JAM3: variants seen among roughly 807,000 people sequenced by gnomAD.
JAM3 encodes the protein junctional adhesion molecule 3.
Under a neutral mutation model 39.4 loss-of-function variants are expected in JAM3, and 31 were observed. The ratio of observed to expected loss-of-function variants is 0.79; its 90% CI spans 0.59 to 1.06. The LOEUF is 1.06. Among genes scored for constraint, JAM3 ranks in the 50% least tolerant of loss-of-function variants. The pLI, the probability that JAM3 is intolerant of heterozygous loss-of-function variation, is 0.00. For synonymous variants in JAM3, 182 were observed against 148.7 expected (o/e 1.22, Z -1.63); for missense variants, 455 against 391.4 (o/e 1.16, Z -1.37).
chr11:134,143,120 A>G (rs1943005405), intron 3 of JAM3, among the ~76,000 whole-genome samples: 1 of 152,170 alleles, frequency 6.6e-6, no homozygotes, highest in Non-Finnish European at 1.5e-5. Context: ...CCAAGAGTAC[A>G]ACTGCTGAGT....
chr11:134,076,077 T>C (rs1431910026), intron 1 of JAM3, among the ~76,000 whole-genome samples: 1 of 151,864 alleles, frequency 6.6e-6, no homozygotes, highest in African/African-American at 2.4e-5. Flanking sequence ...TTTCTAAAAT[T>C]TTCTTGGTTC....
In JAM3 at chr11:134,148,624, T is replaced by C; in HGVS notation, c.790T>C (p.Cys264Arg). The change falls in exon 7 of 9, where the codon TGC becomes CGC. Residue 264 changes from cysteine (C) to arginine (R), a missense_variant. Physicochemically the swap from Cys to Arg is radical, Grantham distance 180. Transcript: ENST00000299106. Reference protein sequence around the residue: ...AVLALITLGICCAYRRGYFIN... With the variant: ...AVLALITLGIRCAYRRGYFIN... ...ACTGGCCCTGATCACGTTGGGCATC[T>C]GCTGTGCATACAGACGTGGCTACTT... 1 of 1,614,182 alleles carries C rather than the reference T, an allele frequency of 6.2e-7. No individual in the cohort carries two copies. Among genetic ancestry groups the C allele is most frequent in the South Asian group, 1.1e-5 (1 of 91,080 alleles).
intron 1 of JAM3, among the ~76,000 whole-genome samples, chr11:134,070,509 C>T (rs1941469380): frequency 6.6e-6 from 1 of 152,108 alleles, no homozygotes; most frequent in Non-Finnish European, 1.5e-5. Flanking sequence ...AGATTATGTA[C>T]GCTAAGGCAA....
chr11:134,131,566 CATTT>C (rs1348693391), intron 1 of JAM3, among the ~76,000 whole-genome samples: 1 of 152,086 alleles, frequency 6.6e-6, no homozygotes, highest in African/African-American at 2.4e-5. Context: ...AAACATGGCT[CATTT>C]AAAGGAACTA....
intron 1 of JAM3, among the ~76,000 whole-genome samples, chr11:134,105,813 G>A (rs973478160): frequency 3.9e-5 from 6 of 152,160 alleles, no homozygotes; most frequent in Non-Finnish European, 8.8e-5. Flanking sequence ...ACCTCTTCAA[G>A]GAGAACTAGA....
rs1943063340 is a variant in JAM3 at position 134,145,935 on chromosome 11, C to G, written c.613-11C>G. ...TGGGTCCGATTATTTACTTGTCATT[C>G]CCTGAAACAGGTGTTCACTGCTGTT... On this transcript the variant is annotated splice_polypyrimidine_tract_variant and intron_variant, in intron 5 of 8. Transcript: ENST00000299106. 6.3e-7 allele frequency: 1 copy of G among 1,588,210 alleles called. No homozygotes were observed. The highest frequency in any genetic ancestry group is 8.6e-7 in the Non-Finnish European group (1 of 1,156,474).
In JAM3 at chr11:134,117,537, A is replaced by G. The variant is rs559822716; in HGVS notation, c.77-22314A>G. Among the ~76,000 whole-genome samples, 15 of 152,352 alleles carry G rather than the reference A, an allele frequency of 9.8e-5. No homozygotes were observed. In the South Asian group the frequency reaches 3.1e-3, roughly 32 times the overall value. On this transcript the variant is annotated intron_variant, in intron 1 of 8. Transcript: ENST00000299106. ...ACATCTCAGAATTCAACTGTTTTGT[A>G]AATACCACCACCCCTTCCACTTTCC...
At position 134,069,076 on chromosome 11, in the gene JAM3, C is replaced by T. The variant is rs142256676; in HGVS notation, c.-8C>T. The T allele has an allele frequency of 7.6e-4, 1,217 of 1,609,836 alleles. 12 individuals are homozygous for T. The African/African-American group carries it at 0.014, about 18-fold the overall frequency. On this transcript the variant is annotated 5_prime_UTR_variant, in exon 1 of 9. Coordinates refer to ENST00000299106, the MANE Select transcript of JAM3 (RefSeq NM_032801.5). ...CGCGCTGCCGCTGGCCCCTCAGCAA[C>T]CCTCGACATGGCGCTGAGGCGGCCA... is the stretch of plus-strand genomic sequence containing the variant.
intron 1 of JAM3, among the ~76,000 whole-genome samples, chr11:134,122,437 C>T (rs546283719): frequency 1.3e-5 from 2 of 152,320 alleles, no homozygotes; most frequent in South Asian, 4.1e-4. Context: ...CTGCCTTCCA[C>T]AAAGGATCAG....
At chr11:134,080,297 G>A (rs1265271927) in intron 1 of JAM3, among the ~76,000 whole-genome samples, 8 of 152,192 alleles carry the variant, frequency 5.3e-5, no homozygotes, top group Non-Finnish European at 1.0e-4. Flanking sequence ...TTGGGGTAAC[G>A]TCAGTGAAAT....
intron 1 of JAM3, among the ~76,000 whole-genome samples, chr11:134,071,027 T>C (rs1424787111): frequency 6.6e-6 from 1 of 152,240 alleles, no homozygotes; most frequent in Non-Finnish European, 1.5e-5. Flanking sequence ...TGGTTTATGC[T>C]TTAAGCTACC....
intron 1 of JAM3, among the ~76,000 whole-genome samples, chr11:134,111,354 G>A (rs778314664): frequency 9.2e-5 from 14 of 151,810 alleles, no homozygotes; most frequent in Non-Finnish European, 1.9e-4. Flanking sequence ...ATGTTAGCCA[G>A]CATGGTCTCA....
At chr11:134,102,521 T>G (rs1942095040) in intron 1 of JAM3, among the ~76,000 whole-genome samples, 1 of 152,188 alleles carries the variant, frequency 6.6e-6, no homozygotes, top group Non-Finnish European at 1.5e-5. Flanking sequence ...ACAGAATGAC[T>G]TTGATGAGTT....
At chr11:134,072,199 C>T (rs1941493884) in intron 1 of JAM3, among the ~76,000 whole-genome samples, 1 of 152,098 alleles carries the variant, frequency 6.6e-6, no homozygotes, top group African/African-American at 2.4e-5. Flanking sequence ...AATTCCTTCT[C>T]CATAAATTCT....
intron 1 of JAM3, among the ~76,000 whole-genome samples, chr11:134,101,301 T>A (rs1942068397): frequency 6.6e-6 from 1 of 152,254 alleles, no homozygotes; most frequent in South Asian, 2.1e-4. Context: ...AGTTCTATAA[T>A]AATTGCTGTG....
At chr11:134,124,800 C>G (rs1227163344) in intron 1 of JAM3, among the ~76,000 whole-genome samples, 1 of 152,236 alleles carries the variant, frequency 6.6e-6, no homozygotes, top group Non-Finnish European at 1.5e-5. Flanking sequence ...CACATAGAAC[C>G]TCTAAGCTTG....
At chr11:134,119,509 A>T (rs967467024) in intron 1 of JAM3, among the ~76,000 whole-genome samples, 1 of 152,158 alleles carries the variant, frequency 6.6e-6, no homozygotes, top group African/African-American at 2.4e-5. Context: ...AGATAGAGAG[A>T]TAGAGATGTA....
At chr11:134,111,943 C>G (rs554783808) in intron 1 of JAM3, among the ~76,000 whole-genome samples, 76 of 152,308 alleles carry the variant, frequency 5.0e-4, no homozygotes, top group African/African-American at 1.6e-3. Context: ...AGTCCAGCCT[C>G]TCCACCTACC....
At chr11:134,087,774 C>T (rs1941769158) in intron 1 of JAM3, among the ~76,000 whole-genome samples, 2 of 152,164 alleles carry the variant, frequency 1.3e-5, no homozygotes, top group Non-Finnish European at 2.9e-5. Flanking sequence ...AAAGCAAATA[C>T]CTAACCCTCT....
Sources: allele counts gnomAD v4.1 joint callset (sites outside exome capture counted in the v4.1 genomes callset), GRCh38; gene constraint gnomAD v4.1.1; transcripts MANE v1.5; gene names NCBI Gene and HGNC (gene_info 2026-07-23, HGNC 2026-07-21).